PRKAR1B: variants seen among roughly 807,000 people sequenced by gnomAD.
PRKAR1B encodes cAMP-dependent protein kinase type I-beta regulatory subunit.
In PRKAR1B, 22 loss-of-function variants were observed where a neutral mutation model predicts 46.5. The ratio of observed to expected loss-of-function variants is 0.47; its 90% confidence interval spans 0.34 to 0.68. PRKAR1B has a LOEUF of 0.68. Among genes scored for constraint, PRKAR1B ranks in the 30% least tolerant of loss-of-function variants. The pLI, the probability that PRKAR1B is intolerant of heterozygous loss-of-function variation, is 0.01. For synonymous variants in PRKAR1B, 259 were observed against 217.7 expected, an observed-to-expected ratio of 1.19 and a Z score of -1.67; for missense variants, 445 against 535.6, an observed-to-expected ratio of 0.83 and a Z score of 1.67.
At chr7:606,395 A>T (rs1782054109) in intron 5 of PRKAR1B, among the ~76,000 whole-genome samples, 156 bp from the exon 6 acceptor site, 1 of 152,228 alleles carries the variant, frequency 6.6e-6, no homozygotes, top group Admixed American at 6.5e-5. Context: ...TTATACAAAC[A>T]TTGAGATAAC....
chr7:579,232 G>T lies in PRKAR1B; in HGVS notation c.891+24C>A. The T allele has an allele frequency of 1.2e-6, 2 of 1,613,650 alleles. 1 individual carries two copies. The highest frequency in any genetic ancestry group is 2.2e-5 in the South Asian group (2 of 91,078). ...CCCTGCCCCAGTGCACACCCAGAGC[G>T]CCCACGTGGGAAGCACGTCTCACCT... On this transcript the variant is annotated intron_variant, in intron 9 of 10. Coordinates refer to ENST00000537384, the MANE Select transcript of PRKAR1B (RefSeq NM_001164760.2).
At position 584,072 on chromosome 7, in the gene PRKAR1B, G is replaced by A. The variant is rs547236309; in HGVS notation, c.769+436C>T. 7.9e-4 allele frequency among the ~76,000 whole-genome samples: 121 copies of A among 152,306 alleles called. 1 individual carries two copies. The highest frequency in any genetic ancestry group is 2.8e-3 in the African/African-American group (117 of 41,554). On this transcript the variant is annotated intron_variant, in intron 8 of 10. Transcript: ENST00000537384. ...ATGGCGGCGTAGAAAGGGCAGAGGC[G>A]GCTCCCAGAGAAACTGCGCTTAGAA... is the stretch of plus-strand genomic sequence containing the variant.
intron 4 of PRKAR1B, among the ~76,000 whole-genome samples, chr7:627,184 C>A (rs1783451783): frequency 6.6e-6 from 1 of 151,942 alleles, no homozygotes; most frequent in African/African-American, 2.4e-5. Context: ...GAGATGGGGT[C>A]TCGTCGCATT....
At chr7:676,718 C>T (rs941010933) in intron 4 of PRKAR1B, among the ~76,000 whole-genome samples, 5 of 152,186 alleles carry the variant, frequency 3.3e-5, no homozygotes, top group Non-Finnish European at 7.3e-5. Flanking sequence ...CTCCTGGCGC[C>T]GAGCGTTCTG....
intron 2 of PRKAR1B, among the ~76,000 whole-genome samples, chr7:708,698 G>A (rs1011832129): frequency 6.6e-6 from 1 of 151,882 alleles, no homozygotes; most frequent in African/African-American, 2.4e-5. Flanking sequence ...CGTTGGCCAG[G>A]CTGGTCTCCA....
chr7:621,285 A>C (rs1583313934), intron 4 of PRKAR1B, among the ~76,000 whole-genome samples: 2 of 152,240 alleles, frequency 1.3e-5, no homozygotes, highest in East Asian at 3.8e-4. Context: ...TTTGGTTACC[A>C]TTTCAACTTA....
chr7:617,656 G>A (rs1782902793), intron 4 of PRKAR1B, among the ~76,000 whole-genome samples: 1 of 152,106 alleles, frequency 6.6e-6, no homozygotes, highest in African/African-American at 2.4e-5. Context: ...CTGTCACCCT[G>A]GTCCATTCCA....
At chr7:713,391 C>G (rs939061687) in intron 1 of PRKAR1B, among the ~76,000 whole-genome samples, 1 of 151,922 alleles carries the variant, frequency 6.6e-6, no homozygotes, top group African/African-American at 2.4e-5. Flanking sequence ...CTCACCTGCC[C>G]GGCTTCCCTG....
chr7:627,327 A>G (rs1196871219), intron 4 of PRKAR1B, among the ~76,000 whole-genome samples: 2 of 152,288 alleles, frequency 1.3e-5, no homozygotes, highest in East Asian at 3.9e-4. Context: ...GGCGGAGGGT[A>G]GCGGTGGGGG....
intron 4 of PRKAR1B, among the ~76,000 whole-genome samples, chr7:635,603 C>T (rs1784002712): frequency 6.6e-6 from 1 of 152,184 alleles, no homozygotes; most frequent in Non-Finnish European, 1.5e-5. Flanking sequence ...AGGCTCGGGA[C>T]TCCTCCGCTG....
chr7:615,061 A>G (rs917415080), intron 4 of PRKAR1B, among the ~76,000 whole-genome samples: 2 of 152,006 alleles, frequency 1.3e-5, no homozygotes, highest in South Asian at 2.1e-4. Context: ...TGGGTGACAG[A>G]GCAAGACCCT....
Position 680,614 on chromosome 7 carries a change from C to T in PRKAR1B, c.290G>A (p.Arg97Gln), listed in dbSNP as rs1363373128. The change falls in exon 3 of 11, where the codon CGA (arginine) becomes CAA (glutamine). Residue 97 changes from arginine to glutamine, a missense_variant. Physicochemically the swap from Arg to Gln is conservative, Grantham distance 43. This residue lies in a region of PRKAR1B where 94 missense variants were observed against 126.9 expected (regional missense o/e 0.74). Coordinates refer to ENST00000537384, the MANE Select transcript of PRKAR1B (RefSeq NM_001164760.2). ...PNPVVKARRR[R>Q]GGVSAEVYTE... Reference sequence around the variant, plus strand: ...GTACACCTCGGCACTCACGCCTCCTCGCCGGCGGCGGGCCTTCACCACAGG... The same window carrying T: ...GTACACCTCGGCACTCACGCCTCCTTGCCGGCGGCGGGCCTTCACCACAGG... The T allele has an allele frequency of 6.2e-7, 1 of 1,613,220 alleles. No individual in the cohort carries two copies. Among genetic ancestry groups the T allele is most frequent in the South Asian group, 1.1e-5 (1 of 91,056 alleles).
Position 550,575 on chromosome 7 carries a change from G to A in PRKAR1B, c.1001C>T (p.Pro334Leu). ...CCGGGCCACGACAGTGGCCGCCCGG[G>A]GCCGGTTCAGCAGCAGTGCAATCTC... ...FGEIALLLNR[P>L]RAATVVARGP... Residue 334 changes from proline (P) to leucine (L), a missense_variant, in exon 11 of 11, where the codon CCC becomes CTC. This residue lies in a region of PRKAR1B where 127 missense variants were observed against 138.0 expected (regional missense o/e 0.92). Coordinates refer to ENST00000537384, the MANE Select transcript of PRKAR1B (RefSeq NM_001164760.2). 21 of 1,592,542 alleles carry A rather than the reference G, an allele frequency of 1.3e-5. No individual in the cohort carries two copies. Among genetic ancestry groups the A allele is most frequent in the Non-Finnish European group, 1.8e-5 (21 of 1,171,374 alleles).
chr7:552,318 G>A lies in PRKAR1B; in HGVS notation c.892-848C>T, dbSNP rs9691552. ...CCACCCAAACCCCCACCTCCCGCCC[G>A]GGTCCTTCCCGCAGAGCCACTGCCA... On this transcript the variant is annotated intron_variant, in intron 9 of 10. Coordinates refer to ENST00000537384, the MANE Select transcript of PRKAR1B (RefSeq NM_001164760.2). Among the ~76,000 whole-genome samples the A allele has an allele frequency of 7.5e-3, 332 of 44,512 alleles. 2 individuals carry two copies. Among genetic ancestry groups the A allele is most frequent in the Admixed American group, 0.018 (44 of 2,424 alleles). 29.2% of individuals were successfully genotyped at this position (44,512 alleles called of 152,430 possible). A position where few individuals can be genotyped will look rare whatever the true frequency, so the allele number is the denominator to read the frequency against.
intron 6 of PRKAR1B, among the ~76,000 whole-genome samples, chr7:600,599 G>C (rs1180103116): frequency 6.6e-6 from 1 of 152,180 alleles, no homozygotes; most frequent in Non-Finnish European, 1.5e-5. Flanking sequence ...GGTACACCCA[G>C]CTGCCTGGCG....
In PRKAR1B at chr7:551,407, C is replaced by T; in HGVS notation, c.955G>A (p.Gly319Arg). 1 of 1,559,310 alleles carries T rather than the reference C, an allele frequency of 6.4e-7. No homozygotes were observed. The highest frequency in any genetic ancestry group is 8.7e-7 in the Non-Finnish European group (1 of 1,151,462). Reference sequence around the variant, plus strand: ...GACTCACCGAAGTAGTCAGAGGGTCCCAGGCGCCCCACCTCCACGTACTCC... The same window carrying T: ...GACTCACCGAAGTAGTCAGAGGGTCTCAGGCGCCCCACCTCCACGTACTCC... The part of the protein sequence containing the change: ...NEEYVEVGRL[G>R]PSDYFGEIAL... The change falls in exon 10 of 11, where the codon GGA (glycine) becomes AGA (arginine). Residue 319 changes from glycine (G) to arginine (R), a missense_variant. Physicochemically the swap from Gly to Arg is moderately radical, Grantham distance 125. This residue lies in a region of PRKAR1B where 127 missense variants were observed against 138.0 expected (regional missense o/e 0.92). Transcript: ENST00000537384.
chr7:704,504 G>A (rs757617475), intron 2 of PRKAR1B, among the ~76,000 whole-genome samples: 2 of 152,076 alleles, frequency 1.3e-5, no homozygotes, highest in Non-Finnish European at 2.9e-5. Flanking sequence ...GGCCGGGTGC[G>A]GTGGCTCACG....
At chr7:583,671 C>T (rs1780417929) in intron 8 of PRKAR1B, among the ~76,000 whole-genome samples, 1 of 144,188 alleles carries the variant, frequency 6.9e-6, no homozygotes, top group Non-Finnish European at 1.5e-5. Context: ...CACACACCCA[C>T]ACACAACCCA....
At chr7:661,301 C>CT (rs2128495225) in intron 4 of PRKAR1B, among the ~76,000 whole-genome samples, 2 of 41,208 alleles carry the variant, frequency 4.9e-5, no homozygotes, top group African/African-American at 1.1e-4. Context: ...AATACCTACT[C>CT]TCCCCCCCAT....
Sources: gnomAD v4.1 joint callset for allele counts (sites outside exome capture counted in the v4.1 genomes callset) on GRCh38, gnomAD v4.1.1 for gene constraint, gnomAD v4.1.1 regional missense constraint, MANE v1.5 for transcripts, NCBI Gene and HGNC (gene_info 2026-07-23, HGNC 2026-07-21) for gene names.